The following CNTN6 variants were observed in gnomAD, a reference collection of about 807,000 sequenced individuals.
The protein encoded by CNTN6 is contactin-6.
Under a neutral mutation model 122.8 loss-of-function variants are expected in CNTN6, and 137 were observed. The ratio of observed to expected loss-of-function variants is 1.12; its 90% CI spans 0.97 to 1.29. CNTN6 has a LOEUF of 1.29. Ranked by LOEUF, CNTN6 falls within the 50% of genes most tolerant of loss-of-function variation. The probability of loss-of-function intolerance (pLI) is 0.00; values close to 1 mark genes in which losing one functional copy is unlikely to be tolerated. For missense variants in CNTN6, 1,634 were observed against 1,223.4 expected (o/e 1.34, Z -5.01); for synonymous variants, 570 against 426.0 (o/e 1.34, Z -4.16).
intron 12 of CNTN6, among the ~76,000 whole-genome samples, chr3:1,361,600 A>T (rs1044063396): frequency 1.3e-5 from 2 of 152,120 alleles, no homozygotes; most frequent in African/African-American, 2.4e-5. Flanking sequence ...TTATCTAAAA[A>T]CCTACTGATA....
intron 4 of CNTN6, among the ~76,000 whole-genome samples, chr3:1,252,325 C>G (rs539631827): frequency 6.6e-6 from 1 of 152,070 alleles, no homozygotes; most frequent in South Asian, 2.1e-4. Flanking sequence ...TTTTGTGTGA[C>G]TTTTTTCTGC....
intron 5 of CNTN6, 87 bp downstream of exon 5, chr3:1,278,595 CTT>C: frequency 1.3e-6 from 1 of 768,970 alleles, no homozygotes; most frequent in Non-Finnish European, 2.1e-6. Context: ...CAGTGATCAC[CTT>C]TTATCAAATC....
chr3:1,308,677 C>T (rs1014868815), intron 7 of CNTN6, among the ~76,000 whole-genome samples: 2 of 152,018 alleles, frequency 1.3e-5, no homozygotes, highest in African/African-American at 4.8e-5. Context: ...CTCTGCTCTC[C>T]TCCACTTACT....
At chr3:1,228,522 G>A (rs939607873) in intron 4 of CNTN6, among the ~76,000 whole-genome samples, 5 of 152,138 alleles carry the variant, frequency 3.3e-5, no homozygotes, top group African/African-American at 4.8e-5. Context: ...TAATTACCCT[G>A]GTGACATTTG....
Position 1,387,876 on chromosome 3 carries a change from C to A in CNTN6, c.2704+2079C>A, listed in dbSNP as rs141554669. On this transcript the variant is annotated intron_variant, in intron 20 of 22. Transcript: ENST00000446702. ...GACCAGCTTAAAAAACGGCGCACCA[C>A]GAGATTATATCCTGCACCCGGCTCG... 3.9e-5 allele frequency among the ~76,000 whole-genome samples: 6 copies of A among 152,292 alleles called. No individual in the cohort carries two copies. The East Asian group carries it at 7.8e-4, about 20-fold the overall frequency.
chr3:1,296,749 G>A (rs1303159187), intron 6 of CNTN6, among the ~76,000 whole-genome samples: 2 of 152,110 alleles, frequency 1.3e-5, no homozygotes, highest in African/African-American at 2.4e-5. Flanking sequence ...GCAACCATTA[G>A]ACTTATTCCT....
At chr3:1,142,774 G>A (rs562135216) in intron 1 of CNTN6, among the ~76,000 whole-genome samples, 2 of 152,038 alleles carry the variant, frequency 1.3e-5, no homozygotes, top group South Asian at 4.2e-4. Flanking sequence ...CAAAGAGCCA[G>A]ATTTGGTCAG....
At chr3:1,353,040 T>C (rs1203902071) in intron 12 of CNTN6, among the ~76,000 whole-genome samples, 1 of 151,770 alleles carries the variant, frequency 6.6e-6, no homozygotes, top group Non-Finnish European at 1.5e-5. Flanking sequence ...TTTTAAGATT[T>C]CTAAATCAGT....
In CNTN6 at chr3:1,111,886, G is replaced by T. The variant is rs1285105325; in HGVS notation, c.-83+18766G>T. ...GTTGTAAGTAGAAGTGGGTACTTAA[G>T]AATAAAATAAGAATGCTATTTTTCC... is the stretch of plus-strand genomic sequence containing the variant. On this transcript the variant is annotated intron_variant, in intron 1 of 22. Transcript: ENST00000446702. Among the ~76,000 whole-genome samples the T allele has an allele frequency of 3.3e-5, 5 of 152,124 alleles. No individual in the cohort carries two copies. The East Asian group carries it at 9.7e-4, about 29-fold the overall frequency.
intron 10 of CNTN6, among the ~76,000 whole-genome samples, chr3:1,328,999 C>A (rs1270004566): frequency 1.3e-5 from 2 of 151,368 alleles, no homozygotes; most frequent in Non-Finnish European, 3.0e-5. Flanking sequence ...TAAAATATTT[C>A]TGATTTATTT....
At chr3:1,133,339 G>GTAA (rs946094854) in intron 1 of CNTN6, among the ~76,000 whole-genome samples, 2 of 151,892 alleles carry the variant, frequency 1.3e-5, no homozygotes, top group East Asian at 1.9e-4. Flanking sequence ...TACTTTTGTA[G>GTAA]TAATAATAAT....
At chr3:1,316,806 T>C (rs1700159311) in intron 7 of CNTN6, among the ~76,000 whole-genome samples, 1 of 151,876 alleles carries the variant, frequency 6.6e-6, no homozygotes, top group Non-Finnish European at 1.5e-5. Context: ...GCTACTAAAA[T>C]AATTTTGTTT....
chr3:1,231,172 T>C (rs2094348183), intron 4 of CNTN6, among the ~76,000 whole-genome samples: 1 of 152,170 alleles, frequency 6.6e-6, no homozygotes, highest in Non-Finnish European at 1.5e-5. Flanking sequence ...CAGGCTCTGC[T>C]TCTAAGGAAT....
chr3:1,313,715 G>T (rs1575662018), intron 7 of CNTN6, among the ~76,000 whole-genome samples: 1 of 152,072 alleles, frequency 6.6e-6, no homozygotes. Flanking sequence ...CCATTGGGCT[G>T]CCATCACAAA....
chr3:1,294,149 A>T (rs1695806862), intron 5 of CNTN6, among the ~76,000 whole-genome samples: 1 of 152,202 alleles, frequency 6.6e-6, no homozygotes, highest in Admixed American at 6.5e-5. Context: ...TTAGACAAGG[A>T]TGCTTATTTC....
intron 1 of CNTN6, among the ~76,000 whole-genome samples, chr3:1,107,002 C>T (rs1306084894): frequency 1.3e-5 from 2 of 152,046 alleles, no homozygotes; most frequent in African/African-American, 4.8e-5. Flanking sequence ...ATGAATTTTC[C>T]CTTTCTCCAT....
intron 4 of CNTN6, among the ~76,000 whole-genome samples, chr3:1,245,298 ATATAT>A (rs1559597341): frequency 9.1e-5 from 1 of 10,962 alleles, no homozygotes; most frequent in East Asian, 1.0e-3. Flanking sequence ...TATATAACAT[ATATAT>A]ATATATATAT....
At chr3:1,295,310 G>C (rs995967967) in intron 5 of CNTN6, among the ~76,000 whole-genome samples, 25 of 152,068 alleles carry the variant, frequency 1.6e-4, no homozygotes, top group African/African-American at 5.8e-4. Context: ...ACGTCTTATG[G>C]TATTTCTTAA....
intron 7 of CNTN6, among the ~76,000 whole-genome samples, chr3:1,311,118 T>C (rs1348457080): frequency 1.3e-5 from 2 of 151,480 alleles, no homozygotes; most frequent in African/African-American, 4.8e-5. Context: ...GGTTTTTATA[T>C]ATACATAGGT....
Sources: gnomAD v4.1 joint callset for allele counts (sites outside exome capture counted in the v4.1 genomes callset) on GRCh38, gnomAD v4.1.1 for gene constraint, MANE v1.5 for transcripts, NCBI Gene and HGNC (gene_info 2026-07-23, HGNC 2026-07-21) for gene names.